Variants in SYCP1 observed in about 807,000 individuals in gnomAD.
SYCP1 encodes the protein cancer/testis antigen 8.
SYCP1 carries 64 observed loss-of-function variants against 153.1 expected under a neutral mutation model. The observed-to-expected ratio is 0.42, with a 90% confidence interval of 0.34 to 0.51. The LOEUF (loss-of-function observed/expected upper bound fraction) is 0.51. SYCP1 is among the 20% of genes least tolerant of loss of function. The pLI is 0.06. For missense variants in SYCP1, 997 were observed against 1,049.0 expected (o/e 0.95, Z 0.68); for synonymous variants, 384 against 341.8 (o/e 1.12, Z -1.36).
intron 27 of SYCP1, among the ~76,000 whole-genome samples, chr1:114,976,559 C>T (rs954406974): frequency 3.4e-5 from 5 of 146,544 alleles, no homozygotes; most frequent in South Asian, 4.4e-4. Context: ...TGGTTTCTCC[C>T]GTCTGTCCTC....
At position 114,876,782 on chromosome 1, in the gene SYCP1, A is replaced by C; in HGVS notation, c.773A>C (p.Lys258Thr). 2 of 1,397,070 alleles carry C rather than the reference A, an allele frequency of 1.4e-6. No individual in the cohort carries two copies. The highest frequency in any genetic ancestry group is 1.9e-4 in the Middle Eastern group (1 of 5,168). 86.5% of individuals were successfully genotyped at this position (1,397,070 alleles called of 1,614,324 possible). ...EKIQHLEQEYKKEINDKEKQV... is the reference protein window; with the variant it reads ...EKIQHLEQEYTKEINDKEKQV... ...ATCCAACACCTTGAACAAGAATACA[A>C]GAAGGAAATAAATGACAAGGAAAAG... Residue 258 changes from lysine (K) to threonine (T), a missense_variant, in exon 11 of 32, where the codon AAG (lysine) becomes ACG (threonine). This residue lies in a region of SYCP1 where 285 missense variants were observed against 366.1 expected (regional missense o/e 0.78). Transcript: ENST00000369522.
At position 114,857,156 on chromosome 1, in the gene SYCP1, A is replaced by AAAAAAAAAAAAAG. The variant is rs774041717; in HGVS notation, c.194-75_194-74insAAAAAAAAAAAGA. ...TCTCTCAAAAAAAAAAAAAAAAAAAAAGAGAAAAAAGAAAAAAAAAAAGAA... is the reference window on the plus strand; with the variant it reads ...TCTCTCAAAAAAAAAAAAAAAAAAAAAAAAAAAAAAAAGAGAGAAAAAAGAAAAAAAAAAAGAA... On this transcript the variant is annotated intron_variant, in intron 3 of 31. Transcript: ENST00000369522. The AAAAAAAAAAAAAG allele has an allele frequency of 3.9e-4, 355 of 921,122 alleles. 4 individuals carry two copies. The highest frequency in any genetic ancestry group is 1.0e-3 in the Admixed American group (33 of 31,984). The allele number at this position is 921,122 out of a possible 1,614,324, so 57.1% of individuals were successfully genotyped here. A position where few individuals can be genotyped will look rare whatever the true frequency, so the allele number is the denominator to read the frequency against.
chr1:114,958,939 A>T (rs888335530), intron 27 of SYCP1, among the ~76,000 whole-genome samples: 3 of 151,762 alleles, frequency 2.0e-5, no homozygotes, highest in Middle Eastern at 3.4e-3. Context: ...CAAAAAAAAA[A>T]AAAAAAGAGT....
At chr1:114,977,007 G>A (rs1322352589) in intron 27 of SYCP1, among the ~76,000 whole-genome samples, 3 of 151,646 alleles carry the variant, frequency 2.0e-5, no homozygotes, top group African/African-American at 7.3e-5. Context: ...ATTTATGTAG[G>A]CCAGGCTTTT....
At chr1:114,968,762 G>C in intron 27 of SYCP1, among the ~76,000 whole-genome samples, 1 of 152,166 alleles carries the variant, frequency 6.6e-6, no homozygotes, top group East Asian at 1.9e-4. Context: ...AGGCATTCTG[G>C]TTTTTGGAAT....
At chr1:114,913,010 T>A (rs753517209) in intron 18 of SYCP1, 23 bp from the exon 19 acceptor site, 12 of 1,526,630 alleles carry the variant, frequency 7.9e-6, no homozygotes, top group Admixed American at 1.9e-5. Flanking sequence ...TATTTTGGTA[T>A]GACTTTTTTT....
chr1:114,967,923 T>A (rs1672241861), intron 27 of SYCP1, among the ~76,000 whole-genome samples: 5 of 152,228 alleles, frequency 3.3e-5, no homozygotes. Flanking sequence ...AGGATTTTAT[T>A]TTCCTTCACT....
At chr1:114,958,170 T>C (rs1671554346) in intron 27 of SYCP1, among the ~76,000 whole-genome samples, 1 of 152,178 alleles carries the variant, frequency 6.6e-6, no homozygotes, top group South Asian at 2.1e-4. Context: ...TATTGTGTTA[T>C]GTGAAATAAG....
At position 114,883,063 on chromosome 1, in the gene SYCP1, G is replaced by A. The variant is rs148874555; in HGVS notation, c.911-2472G>A. ...TGCCCTCTGGGCACAAGCAAGTTTT[G>A]TGGTTACCTTACTTCTATAGGTTTC... is the stretch of plus-strand genomic sequence containing the variant. On this transcript the variant is annotated intron_variant, in intron 12 of 31. Coordinates refer to ENST00000369522, the MANE Select transcript of SYCP1 (RefSeq NM_003176.4). Among the ~76,000 whole-genome samples, 534 of 152,280 alleles carry A rather than the reference G, an allele frequency of 3.5e-3. 5 individuals carry two copies. The highest frequency in any genetic ancestry group is 0.012 in the African/African-American group (504 of 41,558).
rs755041510 is a variant in SYCP1 at position 114,910,410 on chromosome 1, C to T, written c.1334C>T (p.Thr445Ile). The T allele has an allele frequency of 3.8e-6, 6 of 1,590,472 alleles. No individual in the cohort carries two copies. The East Asian group carries it at 1.4e-4, about 36-fold the overall frequency. Residue 445 changes from threonine (T) to isoleucine (I), a missense_variant, in exon 17 of 32, where the codon ACA becomes ATA. Thr to Ile is a moderately conservative substitution (Grantham distance 89). Coordinates refer to ENST00000369522, the MANE Select transcript of SYCP1 (RefSeq NM_003176.4). ...GTTTATAAATAGGGAGAAAAGGAAA[C>T]ACTTTTATATGAAAATAAACAATTT... ...ELKKVLGEKETLLYENKQFEK... is the reference protein window; with the variant it reads ...ELKKVLGEKEILLYENKQFEK...
At chr1:114,897,645 G>C (rs192785789) in intron 16 of SYCP1, among the ~76,000 whole-genome samples, 1 of 152,136 alleles carries the variant, frequency 6.6e-6, no homozygotes, top group African/African-American at 2.4e-5. Flanking sequence ...TCAGCGAAGA[G>C]AGGAGATAGG....
Position 114,866,790 on chromosome 1 carries a change from A to G in SYCP1, c.598+5981A>G, listed in dbSNP as rs1664776282. On this transcript the variant is annotated intron_variant, in intron 8 of 31. Coordinates refer to ENST00000369522, the MANE Select transcript of SYCP1 (RefSeq NM_003176.4). ...AAAAGTCATCGTGATACCCAAGATCATCCAGGTTTTCTCCTATTTATCTTG... is the reference window on the plus strand; with the variant it reads ...AAAAGTCATCGTGATACCCAAGATCGTCCAGGTTTTCTCCTATTTATCTTG... 2.0e-5 allele frequency among the ~76,000 whole-genome samples: 3 copies of G among 151,398 alleles called. No individual in the cohort carries two copies. In the South Asian group the frequency reaches 6.2e-4, roughly 31 times the overall value.
chr1:114,941,017 G>A (rs775921723), intron 23 of SYCP1, among the ~76,000 whole-genome samples: 1 of 151,980 alleles, frequency 6.6e-6, no homozygotes, highest in Non-Finnish European at 1.5e-5. Context: ...AGAACTTTAT[G>A]TGTATAGTTG....
intron 19 of SYCP1, among the ~76,000 whole-genome samples, chr1:114,913,742 C>G (rs576295454): frequency 6.6e-6 from 1 of 151,920 alleles, no homozygotes; most frequent in Non-Finnish European, 1.5e-5. Flanking sequence ...CAAAGTAACG[C>G]TGGAAAACCA....
At chr1:114,971,835 T>C (rs1313795300) in intron 27 of SYCP1, among the ~76,000 whole-genome samples, 1 of 152,152 alleles carries the variant, frequency 6.6e-6, no homozygotes, top group Non-Finnish European at 1.5e-5. Flanking sequence ...TTTTGAGGAT[T>C]TTTGCATCAA....
chr1:114,933,870 A>G (rs965409399), intron 23 of SYCP1, among the ~76,000 whole-genome samples: 1 of 152,206 alleles, frequency 6.6e-6, no homozygotes, highest in African/African-American at 2.4e-5. Flanking sequence ...AAAGAGTAAA[A>G]AGAAATGAAT....
intron 27 of SYCP1, 142 bp from the exon 28 acceptor site, chr1:114,977,414 CT>C (rs1329749917): frequency 7.9e-6 from 4 of 508,770 alleles, no homozygotes; most frequent in East Asian, 7.8e-5. Flanking sequence ...ACTAACTTTT[CT>C]TTTTTTTCTT....
At chr1:114,968,880 T>C (rs188567971) in intron 27 of SYCP1, among the ~76,000 whole-genome samples, 1 of 152,366 alleles carries the variant, frequency 6.6e-6, no homozygotes, top group Non-Finnish European at 1.5e-5. Flanking sequence ...ATCCTTTTAG[T>C]TGATGTTGAT....
chr1:114,928,092 A>C (rs758633010), intron 23 of SYCP1, among the ~76,000 whole-genome samples: 1 of 152,164 alleles, frequency 6.6e-6, no homozygotes, highest in Non-Finnish European at 1.5e-5. Context: ...AATTGCTAGG[A>C]TTACAGGTGT....
Sources: gnomAD v4.1 joint callset for allele counts (sites outside exome capture counted in the v4.1 genomes callset) on GRCh38, gnomAD v4.1.1 for gene constraint, gnomAD v4.1.1 regional missense constraint, MANE v1.5 for transcripts, NCBI Gene and HGNC (gene_info 2026-07-23, HGNC 2026-07-21) for gene names.